The following ZFAND6 variants were observed in gnomAD, a reference collection of about 807,000 sequenced individuals.
ZFAND6 encodes zinc finger AN1-type containing 6, also known as AN1-type zinc finger protein 6.
ZFAND6 carries 12 observed loss-of-function variants against 24.5 expected under a neutral mutation model. The observed-to-expected ratio is 0.49, with a 90% CI of 0.31 to 0.79. ZFAND6 has a LOEUF of 0.79. Among genes scored for constraint, ZFAND6 ranks in the 30% least tolerant of loss-of-function variants. The pLI, the probability that ZFAND6 is intolerant of heterozygous loss-of-function variation, is 0.04. For synonymous variants in ZFAND6, 92 were observed against 81.5 expected (o/e 1.13, Z -0.69); for missense variants, 207 against 245.9 (o/e 0.84, Z 1.06).
intron 2 of ZFAND6, among the ~76,000 whole-genome samples, chr15:80,101,797 T>G (rs929523621): frequency 6.7e-6 from 1 of 149,634 alleles, no homozygotes; most frequent in Non-Finnish European, 1.5e-5. Context: ...AAGTGTTTTT[T>G]TTTTTTTTTT....
intron 6 of ZFAND6, among the ~76,000 whole-genome samples, chr15:80,133,199 GT>G (rs3082115): frequency 5.5e-5 from 8 of 145,536 alleles, no homozygotes; most frequent in East Asian, 2.0e-4. Context: ...TTTGTTTTTT[GT>G]TTTTTTTTTT....
At chr15:80,122,873 A>T in intron 5 of ZFAND6, 73 bp downstream of exon 5, 1 of 1,180,436 alleles carries the variant, frequency 8.5e-7, no homozygotes, top group Non-Finnish European at 1.2e-6. Context: ...GTGCATGTAT[A>T]AAAAAATTGC....
intron 1 of ZFAND6, among the ~76,000 whole-genome samples, chr15:80,067,891 T>C (rs1223361051): frequency 6.6e-6 from 1 of 152,224 alleles, no homozygotes; most frequent in Non-Finnish European, 1.5e-5. Flanking sequence ...AAATATTACA[T>C]ATTGAAGTAG....
At chr15:80,084,624 G>A (rs2037882909) in intron 1 of ZFAND6, among the ~76,000 whole-genome samples, 1 of 152,200 alleles carries the variant, frequency 6.6e-6, no homozygotes, top group African/African-American at 2.4e-5. Flanking sequence ...GCAGAGAGAT[G>A]ATAGTTTCCT....
At chr15:80,111,428 G>C in intron 2 of ZFAND6, 1 of 439,116 alleles carries the variant, frequency 2.3e-6, no homozygotes, top group South Asian at 1.6e-5. Context: ...TTATTGACAG[G>C]TTTCACATCC....
At chr15:80,121,623 C>A in intron 3 of ZFAND6, 89 bp from the exon 4 acceptor site, 1 of 1,071,786 alleles carries the variant, frequency 9.3e-7, no homozygotes, top group Non-Finnish European at 1.4e-6. Flanking sequence ...ATACTGTGTT[C>A]TGTGGAAAAT....
At chr15:80,112,831 T>C (rs1031640006) in intron 2 of ZFAND6, 8 of 456,080 alleles carry the variant, frequency 1.8e-5, no homozygotes, top group African/African-American at 1.2e-4. Flanking sequence ...GAAACACTAA[T>C]CTCAAGCACC....
chr15:80,099,277 G>A (rs1282812779), intron 2 of ZFAND6, among the ~76,000 whole-genome samples: 1 of 151,810 alleles, frequency 6.6e-6, no homozygotes, highest in African/African-American at 2.4e-5. Context: ...TCCTCCCCCC[G>A]ACTTTTTCTT....
At chr15:80,135,824 C>T (rs1208166940) in intron 6 of ZFAND6, among the ~76,000 whole-genome samples, 1 of 151,878 alleles carries the variant, frequency 6.6e-6, no homozygotes, top group Non-Finnish European at 1.5e-5. Context: ...AGCACATGTA[C>T]ATTTAAAGAA....
intron 1 of ZFAND6, among the ~76,000 whole-genome samples, chr15:80,095,927 T>C (rs2038694702): frequency 6.6e-6 from 1 of 152,238 alleles, no homozygotes; most frequent in Non-Finnish European, 1.5e-5. Flanking sequence ...CATTCATTCA[T>C]CAGTATCACA....
At chr15:80,111,874 T>G (rs1164630557) in intron 2 of ZFAND6, among the ~76,000 whole-genome samples, 1 of 152,212 alleles carries the variant, frequency 6.6e-6, no homozygotes, top group Non-Finnish European at 1.5e-5. Flanking sequence ...AGGCTCTGCC[T>G]AATAGGGCCT....
chr15:80,062,938 C>T (rs1430616630), intron 1 of ZFAND6, among the ~76,000 whole-genome samples: 1 of 152,162 alleles, frequency 6.6e-6, no homozygotes, highest in Admixed American at 6.5e-5. Flanking sequence ...TGTAATCTGC[C>T]TCACCATCTT....
chr15:80,079,876 C>T (rs1333403240), intron 1 of ZFAND6, among the ~76,000 whole-genome samples: 2 of 151,886 alleles, frequency 1.3e-5, no homozygotes, highest in Non-Finnish European at 2.9e-5. Flanking sequence ...TGGTCTCGAT[C>T]TCCTGACCTT....
intron 5 of ZFAND6, among the ~76,000 whole-genome samples, chr15:80,124,533 A>G (rs931053830): frequency 6.6e-6 from 1 of 152,224 alleles, no homozygotes; most frequent in African/African-American, 2.4e-5. Context: ...AAGGTCATAG[A>G]TTGGTGAACT....
chr15:80,128,791 G>A (rs986096288), intron 5 of ZFAND6, among the ~76,000 whole-genome samples: 7 of 152,174 alleles, frequency 4.6e-5, no homozygotes, highest in African/African-American at 1.7e-4. Flanking sequence ...CAGTTAAAAA[G>A]AAACCATTGG....
At chr15:80,073,262 A>G (rs2037077578) in intron 1 of ZFAND6, 1 of 292,450 alleles carries the variant, frequency 3.4e-6, no homozygotes, top group East Asian at 1.0e-4. Context: ...CATTTCTTTC[A>G]AAGGTGGAGA....
intron 1 of ZFAND6, among the ~76,000 whole-genome samples, chr15:80,088,341 G>A (rs2038130928): frequency 6.6e-6 from 1 of 152,134 alleles, no homozygotes; most frequent in Admixed American, 6.5e-5. Context: ...GCCAAGGTGG[G>A]TGGATTACCT....
At chr15:80,102,287 T>C (rs1382442127) in intron 2 of ZFAND6, among the ~76,000 whole-genome samples, 1 of 151,864 alleles carries the variant, frequency 6.6e-6, no homozygotes. Context: ...TTTTGCACTT[T>C]TAGTAGAGAC....
chr15:80,080,561 G>T (rs1018086358), intron 1 of ZFAND6, among the ~76,000 whole-genome samples: 5 of 152,234 alleles, frequency 3.3e-5, no homozygotes, highest in African/African-American at 1.2e-4. Flanking sequence ...AAATATCTTA[G>T]TATCTTCAGG....
Sources: gnomAD v4.1 joint callset for allele counts (sites outside exome capture counted in the v4.1 genomes callset) on GRCh38, gnomAD v4.1.1 for gene constraint, MANE v1.5 for transcripts, NCBI Gene and HGNC (gene_info 2026-07-23, HGNC 2026-07-21) for gene names.